The following CATSPERT variants were observed in gnomAD, a reference collection of about 807,000 sequenced individuals.
CATSPERT encodes the protein catsper channel auxiliary subunit tau.
the CATSPERT span, chr2:201,492,568 A>T: frequency 6.5e-7 from 1 of 1,533,240 alleles, no homozygotes; most frequent in Non-Finnish European, 8.7e-7. Flanking sequence ...GTTTGGGTAT[A>T]TAGTCTCAGA....
At chr2:201,566,215 T>TTTA in the CATSPERT span, among the ~76,000 whole-genome samples, 14 of 152,080 alleles carry the variant, frequency 9.2e-5, no homozygotes, top group African/African-American at 2.7e-4. Context: ...TCTTTTTTTT[T>TTTA]TTATTATTAT....
At chr2:201,547,254 T>C in the CATSPERT span, among the ~76,000 whole-genome samples, 4 of 152,294 alleles carry the variant, frequency 2.6e-5, no homozygotes, top group African/African-American at 9.6e-5. Context: ...CTGAGTTCTA[T>C]ACTTTAAATG....
chr2:201,616,034 A>G, the CATSPERT span, among the ~76,000 whole-genome samples: 3 of 152,240 alleles, frequency 2.0e-5, no homozygotes, highest in Non-Finnish European at 4.4e-5. Context: ...GAATAGACCA[A>G]TAACAGGTTC....
chr2:201,601,175 C>A, the CATSPERT span, among the ~76,000 whole-genome samples: 1 of 152,040 alleles, frequency 6.6e-6, no homozygotes, highest in East Asian at 1.9e-4. Flanking sequence ...TGCCCACATT[C>A]CCAGCTCAAC....
chr2:201,534,432 G>A, the CATSPERT span: 1 of 984,678 alleles, frequency 1.0e-6, no homozygotes, highest in Non-Finnish European at 1.2e-6. Flanking sequence ...AAGTCAGACT[G>A]AATGTAATAC....
At chr2:201,534,490 A>G in the CATSPERT span, 13 of 985,284 alleles carry the variant, frequency 1.3e-5, no homozygotes, top group Non-Finnish European at 1.6e-5. Context: ...CAAGTGGTTA[A>G]TATCTTGAAA....
At chr2:201,582,349 CA>C in the CATSPERT span, 1 of 873,904 alleles carries the variant, frequency 1.1e-6, no homozygotes, top group Non-Finnish European at 1.6e-6. Context: ...CTATATTATG[CA>C]AATAAATATT....
chr2:201,614,189 A>G, the CATSPERT span, among the ~76,000 whole-genome samples: 3 of 152,294 alleles, frequency 2.0e-5, no homozygotes, highest in Admixed American at 1.3e-4. Context: ...CCAACATTCA[A>G]ATTCAGGAAA....
chr2:201,487,661 T>A, the CATSPERT span: 1 of 1,613,714 alleles, frequency 6.2e-7, no homozygotes, highest in Non-Finnish European at 8.5e-7. Context: ...CATTTCATAA[T>A]CTGATGTTTT....
the CATSPERT span, chr2:201,492,794 A>G: frequency 6.5e-7 from 1 of 1,536,540 alleles, no homozygotes; most frequent in Non-Finnish European, 8.7e-7. Context: ...TTCATCAGAT[A>G]CAGATTTTGA....
the CATSPERT span, chr2:201,571,918 T>C: frequency 6.2e-7 from 1 of 1,601,396 alleles, no homozygotes; most frequent in South Asian, 1.1e-5. Context: ...TCTGACCATA[T>C]TAACGAGACT....
the CATSPERT span, among the ~76,000 whole-genome samples, chr2:201,606,531 A>G: frequency 3.9e-5 from 6 of 152,214 alleles, no homozygotes; most frequent in Admixed American, 1.3e-4. Flanking sequence ...TTTACTCTTG[A>G]GCCCCTCCCA....
chr2:201,525,235 T>TA, the CATSPERT span, among the ~76,000 whole-genome samples: 6 of 151,930 alleles, frequency 3.9e-5, no homozygotes, highest in East Asian at 3.9e-4. Context: ...TCAGTAAATT[T>TA]AAAAAAAATT....
the CATSPERT span, among the ~76,000 whole-genome samples, chr2:201,508,316 G>C: frequency 6.6e-6 from 1 of 152,134 alleles, no homozygotes; most frequent in African/African-American, 2.4e-5. Context: ...ACAAGAAACT[G>C]TTTAAAGTAC....
At chr2:201,575,328 T>C in the CATSPERT span, 1 of 1,587,184 alleles carries the variant, frequency 6.3e-7, no homozygotes, top group Non-Finnish European at 8.6e-7. Flanking sequence ...GCACCCTTTC[T>C]AGAAAAAAAA....
At chr2:201,506,648 G>A in the CATSPERT span, among the ~76,000 whole-genome samples, 2 of 152,074 alleles carry the variant, frequency 1.3e-5, no homozygotes, top group African/African-American at 4.8e-5. Context: ...CTGCCTTCTG[G>A]GTTCAAGCGA....
the CATSPERT span, among the ~76,000 whole-genome samples, chr2:201,543,283 G>A: frequency 0.031 from 4,782 of 152,154 alleles, 258 homozygotes; most frequent in East Asian, 0.23. Flanking sequence ...AAATCAGAAC[G>A]TGTGATACCT....
At chr2:201,514,995 AC>A in the CATSPERT span, among the ~76,000 whole-genome samples, 1 of 152,026 alleles carries the variant, frequency 6.6e-6, no homozygotes, top group Non-Finnish European at 1.5e-5. Context: ...GGTCAGATGC[AC>A]CCCTAAACAC....
At chr2:201,590,155 T>G in the CATSPERT span, among the ~76,000 whole-genome samples, 5 of 144,774 alleles carry the variant, frequency 3.5e-5, no homozygotes, top group Admixed American at 2.8e-4. Context: ...CCCACAACAG[T>G]CCCCAGAGTG....
Sources: gnomAD v4.1 joint callset for allele counts (sites outside exome capture counted in the v4.1 genomes callset) on GRCh38, gnomAD v4.1.1 for gene constraint, MANE v1.5 for transcripts, NCBI Gene and HGNC (gene_info 2026-07-23, HGNC 2026-07-21) for gene names.